The following CTNNA2 variants were observed in gnomAD, a reference collection of about 807,000 sequenced individuals.
CTNNA2 encodes the protein catenin alpha-2.
Under a neutral mutation model 101.0 loss-of-function variants are expected in CTNNA2, and 42 were observed. That is an observed-to-expected ratio of 0.42 (90% CI 0.32 to 0.54). CTNNA2 has a LOEUF of 0.54. Ranked by LOEUF, CTNNA2 falls within the 20% of genes least tolerant of loss-of-function variation. CTNNA2 has a pLI of 0.14. For missense variants in CTNNA2, 871 were observed against 1,223.1 expected (o/e 0.71, Z 4.29); for synonymous variants, 450 against 456.4 (o/e 0.99, Z 0.18).
At position 79,230,621 on chromosome 2, in the gene CTNNA2, C is replaced by T. The variant is rs142746996; in HGVS notation, c.-406+32545C>T. ...CACAGAGTCCATACTGGGGCACCAT[C>T]TAGTGGAGCTGTGAGAAGAGGGCCA... On this transcript the variant is annotated intron_variant, in intron 2 of 21. Transcript: ENST00000466387. Among the ~76,000 whole-genome samples, 497 of 152,298 alleles carry T rather than the reference C, an allele frequency of 3.3e-3. 3 individuals are homozygous for T. The highest frequency in any genetic ancestry group is 0.011 in the African/African-American group (474 of 41,574).
intron 4 of CTNNA2, among the ~76,000 whole-genome samples, chr2:79,486,914 T>C (rs796436154): frequency 1.3e-5 from 2 of 152,346 alleles, no homozygotes; most frequent in East Asian, 1.9e-4. Context: ...GTCTGTTTTG[T>C]AGCAACAATA....
chr2:80,185,783 G>A (rs571799745), intron 7 of CTNNA2, among the ~76,000 whole-genome samples: 1 of 152,294 alleles, frequency 6.6e-6, no homozygotes, highest in African/African-American at 2.4e-5. Context: ...TATGAGAGGT[G>A]CATTGCCATT....
At chr2:80,305,294 C>T (rs1676819580) in intron 7 of CTNNA2, 3 of 985,292 alleles carry the variant, frequency 3.0e-6, no homozygotes, top group African/African-American at 3.5e-5. Context: ...ATCCAAGTCC[C>T]GGTGGTGTGA....
chr2:79,523,173 G>A, intron 1 of CTNNA2: 1 of 358,278 alleles, frequency 2.8e-6, no homozygotes, highest in Non-Finnish European at 5.6e-6. Context: ...CATTTTTTTG[G>A]AATTTAAGTA....
Position 80,524,283 on chromosome 2 carries a change from C to A in CTNNA2, c.1291-20699C>A, listed in dbSNP as rs533888612. On this transcript the variant is annotated intron_variant, in intron 9 of 18. Transcript: ENST00000402739. ...GAAGAGGTACCTCATAAGATAGTAT[C>A]TTGTATATCCTCCTCCACATTCCTT... Among the ~76,000 whole-genome samples, 6 of 152,272 alleles carry A rather than the reference C, an allele frequency of 3.9e-5. No individual in the cohort carries two copies. The South Asian group carries it at 1.2e-3, about 32-fold the overall frequency.
intron 7 of CTNNA2, among the ~76,000 whole-genome samples, chr2:79,975,119 A>T (rs1690744074): frequency 6.6e-6 from 1 of 151,488 alleles, no homozygotes; most frequent in Non-Finnish European, 1.5e-5. Flanking sequence ...TTGGACCAAC[A>T]ATCTGAAATA....
chr2:79,273,437 G>A (rs1675134435), intron 2 of CTNNA2, among the ~76,000 whole-genome samples: 1 of 152,026 alleles, frequency 6.6e-6, no homozygotes, highest in Admixed American at 6.6e-5. Context: ...CCTCGCTCTA[G>A]TATATTGACT....
intron 8 of CTNNA2, 85 bp from the exon 9 acceptor site, chr2:80,419,364 G>A (rs1680310569): frequency 1.9e-6 from 2 of 1,064,948 alleles, no homozygotes; most frequent in Non-Finnish European, 2.8e-6. Flanking sequence ...TGGGTAATGA[G>A]AGCTCAAAAA....
intron 3 of CTNNA2, among the ~76,000 whole-genome samples, chr2:79,782,395 C>T (rs1186431658): frequency 6.6e-6 from 1 of 152,042 alleles, no homozygotes; most frequent in African/African-American, 2.4e-5. Flanking sequence ...CGCCACCATG[C>T]CCAGGTAATT....
intron 7 of CTNNA2, among the ~76,000 whole-genome samples, chr2:80,368,706 A>G (rs903920717): frequency 2.6e-5 from 4 of 151,826 alleles, no homozygotes; most frequent in East Asian, 1.9e-4. Context: ...ATTTAGGGGC[A>G]TATTCTAAAT....
intron 2 of CTNNA2, among the ~76,000 whole-genome samples, chr2:79,704,783 C>T (rs1685246149): frequency 6.6e-6 from 1 of 152,000 alleles, no homozygotes; most frequent in African/African-American, 2.4e-5. Context: ...AAAGTGTTCA[C>T]TTGTGCTTCT....
At chr2:79,938,213 C>T (rs1687918438) in intron 7 of CTNNA2, among the ~76,000 whole-genome samples, 1 of 152,124 alleles carries the variant, frequency 6.6e-6, no homozygotes, top group Non-Finnish European at 1.5e-5. Flanking sequence ...TTGTGTAAAG[C>T]AAATGAGCCC....
intron 4 of CTNNA2, among the ~76,000 whole-genome samples, chr2:79,461,828 A>G (rs569213229): frequency 4.4e-4 from 67 of 152,276 alleles, no homozygotes; most frequent in African/African-American, 1.6e-3. Context: ...AGGAAAAAGA[A>G]AAACATGAAA....
chr2:80,545,949 A>G lies in CTNNA2; in HGVS notation c.1426A>G (p.Lys476Glu), dbSNP rs752467983. 1.9e-6 allele frequency: 3 copies of G among 1,614,034 alleles called. No individual in the cohort carries two copies. The highest frequency in any genetic ancestry group is 2.7e-5 in the African/African-American group (2 of 74,942). The change falls in exon 11 of 19, where the codon AAA (lysine) becomes GAA (glutamate). Residue 476 changes from lysine to glutamate, a missense_variant. Physicochemically the swap from Lys to Glu is moderately conservative, Grantham distance 56. This residue lies in a region of CTNNA2 where 647 missense variants were observed against 831.5 expected (regional missense o/e 0.78). Transcript: ENST00000402739. The part of the protein sequence containing the change: ...ALTLAARPQS[K>E]VAQDNMDVFK... ...GACACTGGCTGCCCGGCCACAGAGCAAAGTTGCTCAGGATAACATGGACGT... is the reference window on the plus strand; with the variant it reads ...GACACTGGCTGCCCGGCCACAGAGCGAAGTTGCTCAGGATAACATGGACGT...
intron 2 of CTNNA2, among the ~76,000 whole-genome samples, chr2:79,692,876 G>A (rs537050875): frequency 1.5e-5 from 2 of 130,470 alleles, no homozygotes; most frequent in South Asian, 3.1e-4. Context: ...CTGTCGGGGG[G>A]TGGGGGGGCT....
intron 7 of CTNNA2, among the ~76,000 whole-genome samples, chr2:80,103,170 T>G (rs1700654531): frequency 1.3e-5 from 2 of 152,160 alleles, no homozygotes; most frequent in Non-Finnish European, 2.9e-5. Context: ...TGCTGCAGAC[T>G]TGGGGGCTTA....
rs1296729365 is a variant in CTNNA2, at chr2:79,287,542, G to A, written c.-405-25167G>A. Among the ~76,000 whole-genome samples the A allele has an allele frequency of 3.4e-5, 4 of 118,402 alleles. No homozygotes were observed. In the East Asian group the frequency reaches 7.3e-4, roughly 22 times the overall value. The allele number at this position is 118,402 out of a possible 152,430, so 77.7% of individuals were successfully genotyped here. ...TGAGGTGTCAGTCTGCCCCTGCTGG[G>A]GGGTGCCTCCCAGTTAGGCTGCTCA... is the stretch of plus-strand genomic sequence containing the variant. On this transcript the variant is annotated intron_variant, in intron 2 of 21. Coordinates refer to the CTNNA2 transcript ENST00000466387.
chr2:79,472,337 C>T (rs2104548272), intron 4 of CTNNA2, among the ~76,000 whole-genome samples: 1 of 152,298 alleles, frequency 6.6e-6, no homozygotes, highest in South Asian at 2.1e-4. Flanking sequence ...AGTCTCAAAT[C>T]TAGAGCTCTG....
intron 2 of CTNNA2, among the ~76,000 whole-genome samples, chr2:79,206,385 C>T (rs1674100358): frequency 6.6e-6 from 1 of 151,862 alleles, no homozygotes; most frequent in African/African-American, 2.4e-5. Flanking sequence ...AATGTATTAA[C>T]TTTTCCATAG....
Sources: allele counts gnomAD v4.1 joint callset (sites outside exome capture counted in the v4.1 genomes callset), GRCh38; gene constraint gnomAD v4.1.1; regional missense constraint gnomAD v4.1.1; transcripts MANE v1.5; gene names NCBI Gene and HGNC (gene_info 2026-07-23, HGNC 2026-07-21).